TRPM3: variants seen among roughly 807,000 people sequenced by gnomAD.
TRPM3 encodes the protein long transient receptor potential channel 3.
In TRPM3, 77 loss-of-function variants were observed where a neutral mutation model predicts 181.2. That is an observed-to-expected ratio of 0.42 (90% CI 0.35 to 0.51). TRPM3 has a LOEUF of 0.51. Among genes scored for constraint, TRPM3 ranks in the 20% least tolerant of loss-of-function variants. The probability of loss-of-function intolerance (pLI) is 0.01; values close to 1 mark genes in which losing one functional copy is unlikely to be tolerated. For synonymous variants in TRPM3, 745 were observed against 796.4 expected, an observed-to-expected ratio of 0.94 and a Z score of 1.09; for missense variants, 1,759 against 2,196.7, an observed-to-expected ratio of 0.80 and a Z score of 3.98.
intron 1 of TRPM3, among the ~76,000 whole-genome samples, chr9:71,435,089 C>T (rs1055746241): frequency 3.9e-5 from 6 of 152,084 alleles, no homozygotes; most frequent in East Asian, 1.9e-4. Context: ...TGTACAGCTT[C>T]GATTTAATTA....
intron 6 of TRPM3, chr9:70,793,551 A>G (rs762577675): frequency 1.9e-4 from 90 of 466,780 alleles, no homozygotes; most frequent in Non-Finnish European, 4.9e-5. Flanking sequence ...ATATATACAT[A>G]CATATATATA....
At chr9:71,420,805 G>GAA (rs1172523507) in intron 1 of TRPM3, among the ~76,000 whole-genome samples, 2 of 12,998 alleles carry the variant, frequency 1.5e-4, no homozygotes, top group East Asian at 5.2e-3. Context: ...GAAAGAAAGA[G>GAA]AGAAAGAAAG....
intron 1 of TRPM3, among the ~76,000 whole-genome samples, chr9:70,904,149 G>A (rs898325423): frequency 2.6e-5 from 4 of 152,076 alleles, no homozygotes; most frequent in Admixed American, 6.5e-5. Context: ...CTGAGTCCCC[G>A]GAGGTCAAGG....
Position 71,375,915 on chromosome 9 carries a change from G to A in TRPM3, c.183+70738C>T, listed in dbSNP as rs528233003. Among the ~76,000 whole-genome samples the A allele has an allele frequency of 2.0e-5, 3 of 152,246 alleles. No individual in the cohort carries two copies. In the East Asian group the frequency reaches 5.8e-4, roughly 29 times the overall value. The stretch of plus-strand genomic sequence containing the variant: ...CATACATAATACACTACAGTGTAGT[G>A]TAAACATAACACTTATATGTACTGG... On this transcript the variant is annotated intron_variant, in intron 1 of 24. Transcript: ENST00000357533.
chr9:70,587,235 C>G (rs1469614648), intron 22 of TRPM3, among the ~76,000 whole-genome samples: 1 of 152,150 alleles, frequency 6.6e-6, no homozygotes, highest in African/African-American at 2.4e-5. Context: ...TTTGGACATT[C>G]TGCTTTCACA....
At chr9:71,130,379 A>C (rs1375756487) in intron 1 of TRPM3, among the ~76,000 whole-genome samples, 2 of 152,198 alleles carry the variant, frequency 1.3e-5, no homozygotes, top group Non-Finnish European at 2.9e-5. Flanking sequence ...CGTTTGTTTC[A>C]ATGACACAAA....
At chr9:70,921,577 TGAAGTTTTA>T (rs759491430) in intron 1 of TRPM3, among the ~76,000 whole-genome samples, 20 of 152,148 alleles carry the variant, frequency 1.3e-4, no homozygotes, top group Non-Finnish European at 2.6e-4. Flanking sequence ...ACTCCCTTAG[TGAAGTTTTA>T]GACTCAAGTG....
intron 1 of TRPM3, among the ~76,000 whole-genome samples, chr9:71,332,376 G>GGTGTGTGTGTGTGTGTGTGTGT (rs3041716): frequency 7.7e-5 from 11 of 142,324 alleles, no homozygotes; most frequent in African/African-American, 2.8e-4. Flanking sequence ...TTCAATGTTG[G>GGTGTGTGTGTGTGTGTGTGTGT]GTGTGTGTGT....
chr9:70,896,236 A>G (rs1448504261), intron 1 of TRPM3, among the ~76,000 whole-genome samples: 3 of 152,198 alleles, frequency 2.0e-5, no homozygotes, highest in Admixed American at 6.5e-5. Flanking sequence ...GTGGCAGAAC[A>G]GCTCAAAAAT....
chr9:70,739,503 C>A (rs1460146071), intron 8 of TRPM3, among the ~76,000 whole-genome samples: 1 of 152,166 alleles, frequency 6.6e-6, no homozygotes, highest in African/African-American at 2.4e-5. Flanking sequence ...CCATCTATGA[C>A]AAACACACAG....
In TRPM3 at chr9:70,823,142, GCA is replaced by G. The variant is rs1399015653; in HGVS notation, c.973+4703_973+4704del. On this transcript the variant is annotated intron_variant, in intron 6 of 25. Coordinates refer to ENST00000677713, the MANE Select transcript of TRPM3 (RefSeq NM_001366145.2). The stretch of plus-strand genomic sequence containing the variant: ...CCTGCAGTGCTCCCCCCGACCCCAC[GCA>G]CACACACATACACACACACGCAAAA... Among the ~76,000 whole-genome samples, 10 of 151,590 alleles carry G rather than the reference GCA, an allele frequency of 6.6e-5. No homozygotes were observed. The East Asian group carries it at 1.9e-3, about 30-fold the overall frequency.
At chr9:71,264,383 C>T (rs985386047) in intron 1 of TRPM3, among the ~76,000 whole-genome samples, 3 of 152,038 alleles carry the variant, frequency 2.0e-5, no homozygotes, top group South Asian at 2.1e-4. Context: ...ATGATGAGAA[C>T]ACTAAAATAT....
chr9:70,537,063 A>G lies in TRPM3; in HGVS notation c.4050T>C (p.Ser1350=). 6.2e-7 allele frequency: 1 copy of G among 1,612,394 alleles called. No individual in the cohort carries two copies. Among genetic ancestry groups the G allele is most frequent in the South Asian group, 1.1e-5 (1 of 91,070 alleles). The change falls in exon 26 of 26, where the codon TCT becomes TCC. Residue 1350 remains serine (S), a synonymous_variant. Transcript: ENST00000677713. ...TGTCTTTCATATTGACCGAATAGAA[A>G]GAATGGCTTCGCATACGGGGCATTA... ...PTLMPRMRSH[S]FYSVNMKDKG...
chr9:70,555,102 C>G (rs1368620120), intron 22 of TRPM3, among the ~76,000 whole-genome samples: 1 of 152,196 alleles, frequency 6.6e-6, no homozygotes, highest in Non-Finnish European at 1.5e-5. Flanking sequence ...TCCTGCAGTT[C>G]CTAGAAATGC....
Position 71,121,316 on chromosome 9 carries a change from A to G in TRPM3, c.39T>C (p.Ile13=). The G allele has an allele frequency of 6.2e-7, 1 of 1,614,046 alleles. No individual in the cohort carries two copies. The highest frequency in any genetic ancestry group is 8.5e-7 in the Non-Finnish European group (1 of 1,179,992). ...AAAACAAGAAACTGAAAACCTGAGC[A>G]ATGCCTAGAAAATAAACGGTCCCCC... ...EPWGTVYFLG[I]AQVFSFLFSW... The change falls in exon 1 of 26, where the codon ATT becomes ATC. Residue 13 remains isoleucine (I), a synonymous_variant. Transcript: ENST00000677713.
rs541315434 is a variant in TRPM3, at chr9:71,151,147, A to G, written c.184-286636T>C. On this transcript the variant is annotated intron_variant, in intron 1 of 24. Transcript: ENST00000357533. ...TGAGAATCCATAAAATGAAATATTCATAAGTTGAATAGGTAAAAATCTAAA... is the reference window on the plus strand; with the variant it reads ...TGAGAATCCATAAAATGAAATATTCGTAAGTTGAATAGGTAAAAATCTAAA... 3.9e-5 allele frequency among the ~76,000 whole-genome samples: 6 copies of G among 152,344 alleles called. No homozygotes were observed. The South Asian group carries it at 8.3e-4, about 21-fold the overall frequency.
intron 1 of TRPM3, among the ~76,000 whole-genome samples, chr9:71,352,485 AATGGGAT>A (rs1257110562): frequency 2.0e-5 from 3 of 152,172 alleles, no homozygotes; most frequent in African/African-American, 7.2e-5. Context: ...CTGAAAAAAA[AATGGGAT>A]ATGCTATTCC....
At chr9:71,174,548 A>AAAAAG (rs1461193409) in intron 1 of TRPM3, among the ~76,000 whole-genome samples, 1 of 152,114 alleles carries the variant, frequency 6.6e-6, no homozygotes, top group African/African-American at 2.4e-5. Flanking sequence ...TCTCCAAAAA[A>AAAAAG]AAAAGAAAAT....
At chr9:70,965,130 T>A (rs1181772110) in intron 1 of TRPM3, among the ~76,000 whole-genome samples, 2 of 152,086 alleles carry the variant, frequency 1.3e-5, no homozygotes, top group African/African-American at 2.4e-5. Flanking sequence ...TTATTTATTT[T>A]TTTTAAATTC....
Sources: allele counts gnomAD v4.1 joint callset (sites outside exome capture counted in the v4.1 genomes callset), GRCh38; gene constraint gnomAD v4.1.1; transcripts MANE v1.5; gene names NCBI Gene and HGNC (gene_info 2026-07-23, HGNC 2026-07-21).